The following FOCAD variants were observed in gnomAD, a reference collection of about 807,000 sequenced individuals.
FOCAD encodes KIAA1797.
Under a neutral mutation model 225.6 loss-of-function variants are expected in FOCAD, and 198 were observed. That is an observed-to-expected ratio of 0.88 (90% CI 0.78 to 0.99). The LOEUF (loss-of-function observed/expected upper bound fraction) is 0.99, where lower values mean the gene tolerates loss of function less well. Among genes scored for constraint, FOCAD ranks in the 50% least tolerant of loss-of-function variants. The pLI is 0.00. For synonymous variants in FOCAD, 897 were observed against 755.0 expected, an observed-to-expected ratio of 1.19 and a Z score of -3.08; for missense variants, 2,713 against 2,123.6, an observed-to-expected ratio of 1.28 and a Z score of -5.46.
At chr9:20,970,293 G>C (rs1296552753) in intron 35 of FOCAD, among the ~76,000 whole-genome samples, 1 of 151,910 alleles carries the variant, frequency 6.6e-6, no homozygotes, top group African/African-American at 2.4e-5. Context: ...TATTCATTCT[G>C]CCCCTTTCTC....
intron 5 of FOCAD, among the ~76,000 whole-genome samples, chr9:20,757,325 A>G (rs1010856081): frequency 6.6e-6 from 1 of 152,264 alleles, no homozygotes; most frequent in Non-Finnish European, 1.5e-5. Context: ...TGACCAATTT[A>G]CAATTATTAG....
chr9:20,921,855 G>T (rs1359435772), intron 24 of FOCAD, among the ~76,000 whole-genome samples: 6 of 152,116 alleles, frequency 3.9e-5, no homozygotes, highest in Admixed American at 2.6e-4. Context: ...GGGTTAAAAA[G>T]AACTTTTTAT....
At chr9:20,980,214 A>G (rs968133873) in intron 37 of FOCAD, among the ~76,000 whole-genome samples, 3 of 151,916 alleles carry the variant, frequency 2.0e-5, no homozygotes, top group African/African-American at 7.2e-5. Flanking sequence ...GTCTTGTTTC[A>G]TGTCTGAGAG....
intron 8 of FOCAD, 149 bp downstream of exon 8, chr9:20,770,387 G>T (rs773202011): frequency 1.4e-6 from 1 of 696,928 alleles, no homozygotes; most frequent in Non-Finnish European, 2.3e-6. Context: ...AGCTTCTGGG[G>T]AGGCCTCAGG....
At chr9:20,912,774 A>G in intron 22 of FOCAD, 92 bp from the exon 23 acceptor site, 4 of 1,015,046 alleles carry the variant, frequency 3.9e-6, no homozygotes, top group Non-Finnish European at 6.1e-6. Context: ...TTAAGGCCAA[A>G]TGGAAAAGGA....
At chr9:20,750,812 A>G (rs546399860) in intron 5 of FOCAD, among the ~76,000 whole-genome samples, 3 of 152,256 alleles carry the variant, frequency 2.0e-5, no homozygotes, top group Admixed American at 6.5e-5. Flanking sequence ...TTTATTAGAC[A>G]TTGGGCTTAG....
At chr9:20,925,299 A>C (rs1297942328) in intron 25 of FOCAD, among the ~76,000 whole-genome samples, 1 of 152,152 alleles carries the variant, frequency 6.6e-6, no homozygotes, top group Non-Finnish European at 1.5e-5. Flanking sequence ...TGATCCCTTC[A>C]CTTTGGTGTT....
chr9:20,815,130 T>TTTTTTTTTTTTTTTTTTTTTTTTTTTTC (rs1823555233), intron 11 of FOCAD, among the ~76,000 whole-genome samples: 1 of 87,504 alleles, frequency 1.1e-5, no homozygotes. Flanking sequence ...TTTGTTTTTT[T>TTTTTTTTTTTTTTTTTTTTTTTTTTTTC]TTTTTTGTTT....
At chr9:20,975,168 C>T (rs1840121415) in intron 35 of FOCAD, among the ~76,000 whole-genome samples, 1 of 152,284 alleles carries the variant, frequency 6.6e-6, no homozygotes, top group Middle Eastern at 3.4e-3. Flanking sequence ...TGGTCTTCTA[C>T]ATTTTAATGT....
At chr9:20,854,636 C>T (rs1239378729) in intron 15 of FOCAD, among the ~76,000 whole-genome samples, 1 of 151,626 alleles carries the variant, frequency 6.6e-6, no homozygotes, top group African/African-American at 2.4e-5. Context: ...AAGATTCTTG[C>T]GGAAGAATGA....
chr9:20,903,798 A>G (rs896323216), intron 21 of FOCAD, among the ~76,000 whole-genome samples: 13 of 151,998 alleles, frequency 8.6e-5, no homozygotes, highest in African/African-American at 3.1e-4. Flanking sequence ...GGCATTTAGT[A>G]CATATACAAT....
intron 6 of FOCAD, among the ~76,000 whole-genome samples, chr9:20,758,905 C>G (rs1040384589): frequency 1.3e-5 from 2 of 152,112 alleles, no homozygotes; most frequent in Admixed American, 1.3e-4. Flanking sequence ...AGCTGATAAG[C>G]AACTTCAGCA....
intron 11 of FOCAD, among the ~76,000 whole-genome samples, chr9:20,810,086 G>A (rs1352168800): frequency 6.6e-6 from 1 of 152,098 alleles, no homozygotes; most frequent in Admixed American, 6.6e-5. Flanking sequence ...AGGATAGAAA[G>A]CAAAATTAAC....
intron 43 of FOCAD, among the ~76,000 whole-genome samples, chr9:20,994,379 G>A (rs73649327): frequency 0.014 from 2,181 of 152,288 alleles, 58 homozygotes; most frequent in African/African-American, 0.049. Context: ...CTGGTGATCT[G>A]GGGGTCTGGA....
chr9:20,726,977 C>CT (rs1294453084), intron 4 of FOCAD, among the ~76,000 whole-genome samples: 1 of 152,144 alleles, frequency 6.6e-6, no homozygotes, highest in East Asian at 1.9e-4. Flanking sequence ...ACATTTTAAT[C>CT]TGCAGCTGGG....
intron 4 of FOCAD, among the ~76,000 whole-genome samples, chr9:20,724,529 T>C (rs368211718): frequency 1.3e-5 from 2 of 152,188 alleles, no homozygotes; most frequent in Non-Finnish European, 1.5e-5. Context: ...ATAGACAGAA[T>C]AGATGCTGAA....
rs537936608 is a variant in FOCAD, at chr9:20,685,884, C to T, written c.-33+1591C>T. ...AGCTGGAGGAGGCGGAACACAGCCT[C>T]GCGCCCTGTAATAAATAGTTTGAAA... On this transcript the variant is annotated intron_variant, in intron 1 of 43. Transcript: ENST00000338382. Among the ~76,000 whole-genome samples, 101 of 152,276 alleles carry T rather than the reference C, an allele frequency of 6.6e-4. 1 individual carries two copies. The highest frequency in any genetic ancestry group is 2.2e-3 in the African/African-American group (91 of 41,556).
intron 28 of FOCAD, among the ~76,000 whole-genome samples, chr9:20,941,880 A>G (rs1158546082): frequency 3.3e-5 from 5 of 152,234 alleles, no homozygotes; most frequent in Non-Finnish European, 5.9e-5. Flanking sequence ...GCTGGCAGAC[A>G]TATCAAAGAG....
intron 21 of FOCAD, among the ~76,000 whole-genome samples, chr9:20,888,758 G>GAGA (rs1831348053): frequency 1.3e-5 from 2 of 152,090 alleles, no homozygotes; most frequent in African/African-American, 4.8e-5. Context: ...TGAGTCTCAT[G>GAGA]AGATCTGATG....
Sources: gnomAD v4.1 joint callset for allele counts (sites outside exome capture counted in the v4.1 genomes callset) on GRCh38, gnomAD v4.1.1 for gene constraint, MANE v1.5 for transcripts, NCBI Gene and HGNC (gene_info 2026-07-23, HGNC 2026-07-21) for gene names.